CACNB2: variants seen among roughly 807,000 people sequenced by gnomAD.
CACNB2 encodes the protein calcium voltage-gated channel auxiliary subunit beta 2, also known as voltage-dependent L-type calcium channel subunit beta-2.
In CACNB2, 42 loss-of-function variants were observed where a neutral mutation model predicts 73.3. The observed-to-expected ratio is 0.57, with a 90% CI of 0.45 to 0.74. The LOEUF (loss-of-function observed/expected upper bound fraction) is 0.74. Ranked by LOEUF, CACNB2 falls within the 30% of genes least tolerant of loss-of-function variation. CACNB2 has a pLI of 0.00. For synonymous variants in CACNB2, 348 were observed against 310.3 expected, an observed-to-expected ratio of 1.12 and a Z score of -1.28; for missense variants, 940 against 853.0, an observed-to-expected ratio of 1.10 and a Z score of -1.27.
At chr10:18,450,501 C>A (rs537885003) in intron 3 of CACNB2, among the ~76,000 whole-genome samples, 3 of 151,994 alleles carry the variant, frequency 2.0e-5, no homozygotes, top group Non-Finnish European at 2.9e-5. Context: ...AGATGTGGGC[C>A]GTAAGGAATC....
intron 3 of CACNB2, among the ~76,000 whole-genome samples, chr10:18,429,825 A>G (rs1286918265): frequency 6.6e-6 from 1 of 151,286 alleles, no homozygotes; most frequent in Non-Finnish European, 1.5e-5. Flanking sequence ...AAAAAAAAAA[A>G]ACAAATTAAC....
At chr10:18,412,770 C>G (rs2044707398) in intron 3 of CACNB2, among the ~76,000 whole-genome samples, 1 of 152,200 alleles carries the variant, frequency 6.6e-6, no homozygotes. Context: ...AATGCTCAGG[C>G]CTTGGCCTCC....
chr10:18,340,628 A>T, intron 2 of CACNB2: 1 of 1,252,884 alleles, frequency 8.0e-7, no homozygotes, highest in South Asian at 1.8e-5. Flanking sequence ...TCTGTCTTCC[A>T]AGCCAGCTGA....
intron 2 of CACNB2, among the ~76,000 whole-genome samples, chr10:18,267,593 G>A (rs1706143110): frequency 6.6e-6 from 1 of 152,184 alleles, no homozygotes; most frequent in South Asian, 2.1e-4. Context: ...GTGACAGAGT[G>A]AGACTCCATC....
chr10:18,539,691 G>A lies in CACNB2; in HGVS notation c.1950G>A (p.Gly650=), dbSNP rs764738610. The change falls in exon 14 of 14, where the codon GGG becomes GGA. Residue 650 remains glycine (G), a synonymous_variant. Transcript: ENST00000324631. Reference sequence around the variant, plus strand: ...TATCAAAAAAACGGAATGAGGCTGGGGAGTGGAACAGGGATGTTTACATCC... The same window carrying A: ...TATCAAAAAAACGGAATGAGGCTGGAGAGTGGAACAGGGATGTTTACATCC... ...EVISKKRNEA[G]EWNRDVYIRQ 1 of 1,613,020 alleles carries A rather than the reference G, an allele frequency of 6.2e-7. No individual in the cohort carries two copies. The highest frequency in any genetic ancestry group is 8.5e-7 in the Non-Finnish European group (1 of 1,179,812).
intron 2 of CACNB2, among the ~76,000 whole-genome samples, chr10:18,310,698 G>A (rs1441123508): frequency 4.1e-5 from 6 of 146,586 alleles, no homozygotes; most frequent in African/African-American, 1.3e-4. Context: ...TCCTGCCTCA[G>A]CCTCCCTAGT....
chr10:18,314,591 C>A (rs1357936325), intron 2 of CACNB2, among the ~76,000 whole-genome samples: 1 of 150,794 alleles, frequency 6.6e-6, no homozygotes, highest in African/African-American at 2.4e-5. Flanking sequence ...AAAAAAAAAA[C>A]GTGAGCCACC....
chr10:18,479,004 G>T (rs2048582505), intron 3 of CACNB2, among the ~76,000 whole-genome samples: 1 of 151,968 alleles, frequency 6.6e-6, no homozygotes, highest in African/African-American at 2.4e-5. Context: ...GTTGCGGTGA[G>T]TTCTGATCCT....
intron 2 of CACNB2, among the ~76,000 whole-genome samples, chr10:18,154,902 C>T (rs1193587266): frequency 3.3e-5 from 5 of 152,214 alleles, no homozygotes; most frequent in Admixed American, 6.5e-5. Flanking sequence ...ACCCTGCTGA[C>T]ACCTTGACCT....
At chr10:18,223,191 C>A (rs1003763806) in intron 2 of CACNB2, among the ~76,000 whole-genome samples, 23 of 152,110 alleles carry the variant, frequency 1.5e-4, no homozygotes, top group African/African-American at 5.1e-4. Flanking sequence ...ATTTTGATGC[C>A]TTTTGCTTAA....
intron 11 of CACNB2, among the ~76,000 whole-genome samples, chr10:18,535,134 A>G (rs2053437073): frequency 6.6e-6 from 1 of 152,252 alleles, no homozygotes; most frequent in Admixed American, 6.5e-5. Flanking sequence ...TCAGTGAACC[A>G]TTATTGTTTG....
intron 3 of CACNB2, among the ~76,000 whole-genome samples, chr10:18,484,417 C>T (rs1344684111): frequency 1.1e-4 from 1 of 9,292 alleles, no homozygotes; most frequent in Non-Finnish European, 1.9e-4. Context: ...AAAATAGATA[C>T]AGTATAGAGA....
intron 3 of CACNB2, among the ~76,000 whole-genome samples, 195 bp downstream of exon 3, chr10:18,402,238 C>T (rs1238394738): frequency 6.6e-6 from 1 of 152,112 alleles, no homozygotes; most frequent in Admixed American, 6.5e-5. Context: ...GACTGGTCTT[C>T]TATGTTGTTT....
intron 2 of CACNB2, among the ~76,000 whole-genome samples, chr10:18,271,580 T>G (rs894507452): frequency 1.3e-5 from 2 of 152,176 alleles, no homozygotes; most frequent in African/African-American, 4.8e-5. Context: ...CTTTATCATA[T>G]ATAAAACAAG....
At chr10:18,429,569 G>A (rs1030646745) in intron 3 of CACNB2, among the ~76,000 whole-genome samples, 28 of 151,626 alleles carry the variant, frequency 1.8e-4, no homozygotes, top group African/African-American at 6.8e-4. Flanking sequence ...ACTCATACCT[G>A]TAATCCTGGC....
chr10:18,538,047 GTAGCAGCACTT>G, intron 12 of CACNB2, 122 bp from the exon 13 acceptor site: 1 of 836,396 alleles, frequency 1.2e-6, no homozygotes, highest in South Asian at 1.4e-5. Context: ...AAGGGAGATA[GTAGCAGCACTT>G]ATAGAAGCAG....
rs1041695402 is a variant in CACNB2, at chr10:18,479,608, A to T, written c.334-18747A>T. Among the ~76,000 whole-genome samples the T allele has an allele frequency of 3.7e-4, 57 of 152,274 alleles. 1 individual carries two copies. Among genetic ancestry groups the T allele is most frequent in the African/African-American group, 1.3e-3 (55 of 41,546 alleles). ...GAGGGGCCTGGTGGGAGGTGATTGG[A>T]TCATGGGGGTGGATTTCCCCCTTTC... On this transcript the variant is annotated intron_variant, in intron 3 of 13. Coordinates refer to ENST00000324631, the MANE Select transcript of CACNB2 (RefSeq NM_201596.3).
At chr10:18,475,257 A>C (rs1276046335) in intron 3 of CACNB2, among the ~76,000 whole-genome samples, 1 of 151,854 alleles carries the variant, frequency 6.6e-6, no homozygotes, top group Non-Finnish European at 1.5e-5. Flanking sequence ...GGCACCATTG[A>C]CTAAATCACT....
chr10:18,151,038 G>A (rs775292197), intron 2 of CACNB2, 63 bp downstream of exon 2: 2 of 1,032,458 alleles, frequency 1.9e-6, no homozygotes, highest in Non-Finnish European at 3.1e-6. Flanking sequence ...TTTTAAAGGT[G>A]GGTTTCACTC....
Sources: allele counts gnomAD v4.1 joint callset (sites outside exome capture counted in the v4.1 genomes callset), GRCh38; gene constraint gnomAD v4.1.1; transcripts MANE v1.5; gene names NCBI Gene and HGNC (gene_info 2026-07-23, HGNC 2026-07-21).